The following SBF1 variants were observed in gnomAD, a reference collection of about 807,000 sequenced individuals.
The protein encoded by SBF1 is myotubularin-related protein 5.
Under a neutral mutation model 215.8 loss-of-function variants are expected in SBF1, and 65 were observed. That is an observed-to-expected ratio of 0.30 (90% CI 0.25 to 0.37). The LOEUF (loss-of-function observed/expected upper bound fraction) is 0.37, where lower values mean the gene tolerates loss of function less well. SBF1 is among the 10% of genes least tolerant of loss of function. The probability of loss-of-function intolerance (pLI) is 1.00; values close to 1 mark genes in which losing one functional copy is unlikely to be tolerated. For synonymous variants in SBF1, 1,410 were observed against 1,122.8 expected, an observed-to-expected ratio of 1.26 and a Z score of -5.11; for missense variants, 2,634 against 2,667.8, an observed-to-expected ratio of 0.99 and a Z score of 0.28.
Position 50,467,701 on chromosome 22 carries a change from T to G in SBF1, c.280-11A>C, listed in dbSNP as rs1356621638. On this transcript the variant is annotated splice_polypyrimidine_tract_variant and intron_variant, in intron 3 of 40. Transcript: ENST00000380817. Reference sequence around the variant, plus strand: ...CACGCGCGTCGTTTCCTGCTGGGGGTCAGGGGGAGACGGGGGCAGGGGGAG... The same window carrying G: ...CACGCGCGTCGTTTCCTGCTGGGGGGCAGGGGGAGACGGGGGCAGGGGGAG... 15 of 1,524,262 alleles carry G rather than the reference T, an allele frequency of 9.8e-6. No homozygotes were observed. In the Admixed American group the frequency reaches 1.0e-4, roughly 11 times the overall value. The allele number at this position is 1,524,262 out of a possible 1,614,324, so 94.4% of individuals were successfully genotyped here.
At chr22:50,454,979 T>C (rs2067190617) in intron 34 of SBF1, 35 bp from the exon 35 acceptor site, 3 of 1,613,944 alleles carry the variant, frequency 1.9e-6, no homozygotes, top group Non-Finnish European at 1.7e-6. Context: ...GGGCCCCTCC[T>C]GACCCGTGGC....
chr22:50,472,629 A>G (rs929135880), intron 1 of SBF1, among the ~76,000 whole-genome samples: 1 of 152,198 alleles, frequency 6.6e-6, no homozygotes, highest in Non-Finnish European at 1.5e-5. Flanking sequence ...CTCCATCCCC[A>G]GATGAGGAAA....
rs1182373827 is a variant in SBF1 at position 50,448,642 on chromosome 22, C to T, written c.5052G>A (p.Gln1684=). 6.2e-7 allele frequency: 1 copy of T among 1,610,040 alleles called. No individual in the cohort carries two copies. Among genetic ancestry groups the T allele is most frequent in the Non-Finnish European group, 8.5e-7 (1 of 1,179,352 alleles). ...GTTGGCCCAACTCTGTCTCCAGCCT[C>T]TGCAGCTCCTGGGGGAAGAATTAAT... The part of the protein sequence containing the change: ...DAISRLLEEL[Q]RLETELGQPA... The change falls in exon 37 of 41, where the codon CAG becomes CAA. Residue 1684 remains glutamine, a synonymous_variant. Transcript: ENST00000380817.
Position 50,454,532 on chromosome 22 carries a change from C to A in SBF1, c.5023G>T (p.Ala1675Ser), listed in dbSNP as rs1255759968. The change falls in exon 36 of 41, where the codon GCC becomes TCC. Residue 1675 changes from alanine (A) to serine (S), a missense_variant. Coordinates refer to ENST00000380817, the MANE Select transcript of SBF1 (RefSeq NM_002972.4). Reference protein sequence around the residue: ...YDSCPRAQPDAISRLLEELQR... With the variant: ...YDSCPRAQPDSISRLLEELQR... ...CGCACCTCCAGCAGGCGTGAGATGGCGTCAGGCTGGGCCCGCGGGCAGCTG... is the reference window on the plus strand; with the variant it reads ...CGCACCTCCAGCAGGCGTGAGATGGAGTCAGGCTGGGCCCGCGGGCAGCTG... 2.5e-6 allele frequency: 4 copies of A among 1,610,172 alleles called. No individual in the cohort carries two copies. Among genetic ancestry groups the A allele is most frequent in the Non-Finnish European group, 3.4e-6 (4 of 1,179,846 alleles).
rs1556421342 is a variant in SBF1 at position 50,456,667 on chromosome 22, C to T, written c.3911G>A (p.Trp1304Ter). ...ASRRTAPRGK[W>*]GSVRTSGRSS... ...GCGTCCACTGGTCCGGACACTGCCC[C>T]ACTTACCTGTGAAGGAGATGCCAGG... The change falls in exon 30 of 41, where the codon TGG (tryptophan) becomes TAG (stop). Residue 1304 changes from tryptophan to a stop codon, truncating the protein, a stop_gained. Transcript: ENST00000380817. LOFTEE classifies it high-confidence loss of function. 1 of 1,476,630 alleles carries T rather than the reference C, an allele frequency of 6.8e-7. No homozygotes were observed. Among genetic ancestry groups the T allele is most frequent in the Non-Finnish European group, 9.0e-7 (1 of 1,112,716 alleles). The allele number at this position is 1,476,630 out of a possible 1,614,324, so 91.5% of individuals were successfully genotyped here.
At position 50,464,381 on chromosome 22, in the gene SBF1, A is replaced by G. The variant is rs1164984404; in HGVS notation, c.1697T>C (p.Val566Ala). 3.7e-6 allele frequency: 6 copies of G among 1,614,120 alleles called. No homozygotes were observed. The highest frequency in any genetic ancestry group is 2.5e-6 in the Non-Finnish European group (3 of 1,180,030). Reference sequence around the variant, plus strand: ...AAACACGTAGGAGATGCAGTTGCGCACAACCTCCAGCCGCCGGGCGCTGTT... The same window carrying G: ...AAACACGTAGGAGATGCAGTTGCGCGCAACCTCCAGCCGCCGGGCGCTGTT... ...HVNSARRLEV[V>A]RNCISYVFEG... The change falls in exon 15 of 41, where the codon GTG becomes GCG. Residue 566 changes from valine (V) to alanine (A), a missense_variant. Val to Ala is a moderately conservative substitution (Grantham distance 64). Transcript: ENST00000380817.
At chr22:50,453,385 C>A (rs2067123214) in intron 36 of SBF1, among the ~76,000 whole-genome samples, 1 of 152,178 alleles carries the variant, frequency 6.6e-6, no homozygotes, top group Non-Finnish European at 1.5e-5. Context: ...AACCCTGTGC[C>A]CCATGCTAAG....
chr22:50,447,337 C>A lies in SBF1; in HGVS notation c.5568G>T (p.Glu1856Asp). The A allele has an allele frequency of 1.2e-6, 2 of 1,614,080 alleles. No homozygotes were observed. Among genetic ancestry groups the A allele is most frequent in the Non-Finnish European group, 1.7e-6 (2 of 1,179,984 alleles). ...CAAGGCTCACGTCAAAGAAGGCCTT[C>A]TCGTCCACAGTCTTAGGGGCACCCA... The part of the protein sequence containing the change: ...PTMGAPKTVD[E>D]KAFFDVKTTR... Residue 1856 changes from glutamate (E) to aspartate (D), a missense_variant, in exon 40 of 41, where the codon GAG becomes GAT. Transcript: ENST00000380817.
intron 36 of SBF1, among the ~76,000 whole-genome samples, chr22:50,450,665 C>A (rs1230274698): frequency 6.6e-6 from 1 of 152,338 alleles, no homozygotes; most frequent in East Asian, 1.9e-4. Flanking sequence ...AGAGGCCACA[C>A]GCCTTGGGCT....
Position 50,447,332 on chromosome 22 carries a change from G to A in SBF1, c.5573C>T (p.Ala1858Val), listed in dbSNP as rs767601317. ...CCGGCCAAGGCTCACGTCAAAGAAG[G>A]CCTTCTCGTCCACAGTCTTAGGGGC... ...MGAPKTVDEKAFFDVKTTRRV... is the reference protein window; with the variant it reads ...MGAPKTVDEKVFFDVKTTRRV... Residue 1858 changes from alanine (A) to valine (V), a missense_variant, in exon 40 of 41, where the codon GCC becomes GTC. Ala to Val is a moderately conservative substitution (Grantham distance 64). Transcript: ENST00000380817. 4 of 1,614,022 alleles carry A rather than the reference G, an allele frequency of 2.5e-6. No homozygotes were observed. Among genetic ancestry groups the A allele is most frequent in the South Asian group, 2.2e-5 (2 of 91,080 alleles).
chr22:50,457,058 C>A lies in SBF1; in HGVS notation c.3880G>T (p.Ala1294Ser). The A allele has an allele frequency of 1.4e-6, 2 of 1,464,578 alleles. No individual in the cohort carries two copies. The highest frequency in any genetic ancestry group is 9.0e-7 in the Non-Finnish European group (1 of 1,113,964). 90.7% of individuals were successfully genotyped at this position (1,464,578 alleles called of 1,614,324 possible). Residue 1294 changes from alanine to serine, a missense_variant, in exon 29 of 41, where the codon GCC (alanine) becomes TCC (serine). By Grantham distance (99) the Ala-to-Ser change is moderately conservative (BLOSUM62 1). Coordinates refer to ENST00000380817, the MANE Select transcript of SBF1 (RefSeq NM_002972.4). Reference protein sequence around the residue: ...TTLSNPMAASASRRTAPRGKW... With the variant: ...TTLSNPMAASSSRRTAPRGKW... ...CCTCGGGGTGCGGTCCGTCTGGAGG[C>A]CGAGGCCGCCATGGGGTTGGACAGC...
intron 27 of SBF1, 33 bp downstream of exon 27, chr22:50,459,437 C>T: frequency 6.2e-7 from 1 of 1,611,970 alleles, no homozygotes; most frequent in African/African-American, 1.3e-5. Context: ...TGAGATAGGG[C>T]AGGGCAGGCA....
rs2066829521 is a variant in SBF1 at position 50,446,635 on chromosome 22, A to G, written c.*507T>C. ...CTCCTGCTCGATCCGCCCCCAGAGC[A>G]AAGTCACTCCCAGGGACATGCAGGC... is the stretch of plus-strand genomic sequence containing the variant. On this transcript the variant is annotated 3_prime_UTR_variant, in exon 41 of 41. Transcript: ENST00000380817. 2 of 354,240 alleles carry G rather than the reference A, an allele frequency of 5.6e-6. No homozygotes were observed. Among genetic ancestry groups the G allele is most frequent in the Admixed American group, 7.5e-5 (2 of 26,662 alleles). The allele number at this position is 354,240 out of a possible 1,614,324, so 21.9% of individuals were successfully genotyped here.
chr22:50,456,963 A>T, intron 29 of SBF1, 71 bp downstream of exon 29: 1 of 1,236,554 alleles, frequency 8.1e-7, no homozygotes, highest in Non-Finnish European at 1.1e-6. Context: ...TGCCCGCAAT[A>T]ACTCAGTGCA....
chr22:50,461,278 G>A lies in SBF1; in HGVS notation c.2848C>T (p.Gln950Ter), dbSNP rs1556425186. 6.3e-7 allele frequency: 1 copy of A among 1,597,666 alleles called. No homozygotes were observed. Among genetic ancestry groups the A allele is most frequent in the Non-Finnish European group, 8.5e-7 (1 of 1,170,240 alleles). The change falls in exon 23 of 41, where the codon CAG becomes TAG. Residue 950 changes from glutamine to a stop codon, truncating the protein, a stop_gained. Coordinates refer to ENST00000380817, the MANE Select transcript of SBF1 (RefSeq NM_002972.4). LOFTEE classifies it high-confidence loss of function. ...GMPTDPLVGE[Q>*]VVVRSFPVAA... Reference sequence around the variant, plus strand: ...ACCGGGAAGGAGCGGACCACCACCTGCTCCCCAACTTAGGACAGGCCAGGC... The same window carrying A: ...ACCGGGAAGGAGCGGACCACCACCTACTCCCCAACTTAGGACAGGCCAGGC...
rs1191278148 is a variant in SBF1 at position 50,446,724 on chromosome 22, G to A, written c.*418C>T. 1.4e-5 allele frequency: 6 copies of A among 436,584 alleles called. No homozygotes were observed. Among genetic ancestry groups the A allele is most frequent in the Non-Finnish European group, 2.7e-5 (6 of 220,600 alleles). The allele number at this position is 436,584 out of a possible 1,614,324, so 27.0% of individuals were successfully genotyped here. A position where few individuals can be genotyped will look rare whatever the true frequency, so the allele number is the denominator to read the frequency against. ...GAAAGATGCCAACCTCCCGCCAGGT[G>A]GGCCTGGATAGGGGCAGATGGGACC... On this transcript the variant is annotated 3_prime_UTR_variant, in exon 41 of 41. Coordinates refer to ENST00000380817, the MANE Select transcript of SBF1 (RefSeq NM_002972.4).
At chr22:50,468,145 G>A (rs1603434497) in intron 2 of SBF1, among the ~76,000 whole-genome samples, 1 of 152,176 alleles carries the variant, frequency 6.6e-6, no homozygotes, top group Admixed American at 6.5e-5. Flanking sequence ...CCAGGAGATG[G>A]GAGAACAGTC....
Position 50,455,478 on chromosome 22 carries a change from C to A in SBF1, c.4368+3G>T. 1 of 1,611,156 alleles carries A rather than the reference C, an allele frequency of 6.2e-7. No individual in the cohort carries two copies. The highest frequency in any genetic ancestry group is 1.1e-5 in the South Asian group (1 of 90,832). ...GCCCACCCCAGCCCCACGCGCCACA[C>A]ACCTGGGTGGTGATGTCCCAGCCAT... On this transcript the variant is annotated splice_donor_region_variant and intron_variant, in intron 32 of 40. Transcript: ENST00000380817.
rs34578131 is a variant in SBF1 at position 50,462,729 on chromosome 22, AG to A, written c.1969-13del. 6.2e-7 allele frequency: 1 copy of A among 1,610,844 alleles called. No homozygotes were observed. Among genetic ancestry groups the A allele is most frequent in the Non-Finnish European group, 8.5e-7 (1 of 1,178,838 alleles). ...CCCGGGCTCAGCTTCTGCAGGAGCCAGGGGAGAAGGTCAGCTGGATGCAGCC... is the reference window on the plus strand; with the variant it reads ...CCCGGGCTCAGCTTCTGCAGGAGCCAGGGAGAAGGTCAGCTGGATGCAGCC... On this transcript the variant is annotated splice_polypyrimidine_tract_variant and intron_variant, in intron 17 of 40. Coordinates refer to ENST00000380817, the MANE Select transcript of SBF1 (RefSeq NM_002972.4).
Sources: allele counts gnomAD v4.1 joint callset (sites outside exome capture counted in the v4.1 genomes callset), GRCh38; gene constraint gnomAD v4.1.1; transcripts MANE v1.5; gene names NCBI Gene and HGNC (gene_info 2026-07-23, HGNC 2026-07-21).